The following STXBP2 variants were observed in gnomAD, a reference collection of about 807,000 sequenced individuals.
STXBP2 encodes the protein syntaxin-binding protein 2.
In STXBP2, 47 loss-of-function variants were observed where a neutral mutation model predicts 72.2. The observed-to-expected ratio is 0.65, with a 90% confidence interval of 0.51 to 0.83. The LOEUF (loss-of-function observed/expected upper bound fraction) is 0.83. Among genes scored for constraint, STXBP2 ranks in the 40% least tolerant of loss-of-function variants. The pLI is 0.00. For synonymous variants in STXBP2, 367 were observed against 338.7 expected (o/e 1.08, Z -0.92); for missense variants, 702 against 807.6 (o/e 0.87, Z 1.58).
chr19:7,638,593 T>G (rs1353299983), intron 1 of STXBP2, 133 bp from the exon 2 acceptor site: 2 of 915,212 alleles, frequency 2.2e-6, no homozygotes, highest in East Asian at 2.5e-5. Context: ...CAGAGTGAGA[T>G]CCTCCTCTCT....
At chr19:7,644,586 C>T (rs375987062) in intron 13 of STXBP2, 28 bp from the exon 14 acceptor site, 822 of 1,609,128 alleles carry the variant, frequency 5.1e-4, no homozygotes, top group Middle Eastern at 1.5e-3. Context: ...ACATAGCGGC[C>T]GGTGGACGGC....
Position 7,642,086 on chromosome 19 carries a change from G to T in STXBP2, c.631G>T (p.Ala211Ser). The T allele has an allele frequency of 6.2e-7, 1 of 1,614,088 alleles. No homozygotes were observed. The highest frequency in any genetic ancestry group is 8.5e-7 in the Non-Finnish European group (1 of 1,180,010). ...LAHAVLAKLN[A>S]FKADTPSLGE... is the part of the protein sequence containing the mutation. Reference sequence around the variant, plus strand: ...CCACGCCGTCCTGGCCAAGCTGAACGCCTTCAAGGCAGACACTCCCAGTCT... The same window carrying T: ...CCACGCCGTCCTGGCCAAGCTGAACTCCTTCAAGGCAGACACTCCCAGTCT... The change falls in exon 8 of 19, where the codon GCC becomes TCC. Residue 211 changes from alanine (A) to serine (S), a missense_variant. Coordinates refer to ENST00000221283, the MANE Select transcript of STXBP2 (RefSeq NM_006949.4). The surrounding 1 kb of genome is among the most constrained non-coding windows in gnomAD (Gnocchi z 6.0).
intron 14 of STXBP2, 183 bp from the exon 15 acceptor site, chr19:7,645,014 A>G: frequency 6.9e-7 from 1 of 1,449,374 alleles, no homozygotes; most frequent in Middle Eastern, 2.5e-4. Context: ...CATCTGGAGG[A>G]GCCCCTGATC....
chr19:7,637,252 T>C (rs2031580893), intron 1 of STXBP2, 66 bp downstream of exon 1: 1 of 1,224,410 alleles, frequency 8.2e-7, no homozygotes, highest in Non-Finnish European at 1.0e-6. Context: ...ACGCACGGGC[T>C]CTGGGATCCT....
chr19:7,645,489 C>G (rs750972214), intron 15 of STXBP2, 183 bp downstream of exon 15: 1 of 602,420 alleles, frequency 1.7e-6, no homozygotes, highest in African/African-American at 1.8e-5. Context: ...GGGCCTCTCC[C>G]AGTCCCAGCT....
intron 15 of STXBP2, 153 bp downstream of exon 15, chr19:7,645,459 C>A: frequency 1.4e-6 from 1 of 697,636 alleles, no homozygotes; most frequent in Non-Finnish European, 2.4e-6. Context: ...CGGGTCTGGT[C>A]TGGGGCCCAG....
Position 7,643,063 on chromosome 19 carries a change from G to T in STXBP2, c.1026+15G>T, listed in dbSNP as rs1555770857. The stretch of plus-strand genomic sequence containing the variant: ...AGCTGAATAAGGTGTGCTCGGGTGG[G>T]CAGGGAGCGGGGACACCTCGGCCCC... On this transcript the variant is annotated intron_variant, in intron 12 of 18. Coordinates refer to ENST00000221283, the MANE Select transcript of STXBP2 (RefSeq NM_006949.4). 2 of 1,614,196 alleles carry T rather than the reference G, an allele frequency of 1.2e-6. No individual in the cohort carries two copies. Among genetic ancestry groups the T allele is most frequent in the South Asian group, 2.2e-5 (2 of 91,084 alleles).
In STXBP2 at chr19:7,643,247, T is replaced by G. The variant is rs768288230; in HGVS notation, c.1107+2T>G. On this transcript the variant is annotated splice_donor_variant, in intron 13 of 18. Coordinates refer to ENST00000221283, the MANE Select transcript of STXBP2 (RefSeq NM_006949.4). LOFTEE classifies it high-confidence loss of function. ...GAGAAGCTGTGTAGTGTGGAGCAGG[T>G]GGGGCAGGGCTTGCGGGGGGCAGGG... 4 of 1,605,054 alleles carry G rather than the reference T, an allele frequency of 2.5e-6. No individual in the cohort carries two copies. In the African/African-American group the frequency reaches 5.5e-5, roughly 22 times the overall value.
Position 7,642,876 on chromosome 19 carries a change from C to T in STXBP2, c.960+53C>T, listed in dbSNP as rs1297693280. Reference sequence around the variant, plus strand: ...CGCTGGTGGAAGGAAGCCCCCCTCCCCATGGGCGCAGGGCCACAGCCTGGA... The same window carrying T: ...CGCTGGTGGAAGGAAGCCCCCCTCCTCATGGGCGCAGGGCCACAGCCTGGA... On this transcript the variant is annotated intron_variant, in intron 11 of 18. Transcript: ENST00000221283. The surrounding 1 kb of genome is among the most constrained non-coding windows in gnomAD (Gnocchi z 6.0). The T allele has an allele frequency of 7.4e-6, 12 of 1,613,230 alleles. No individual in the cohort carries two copies. Among genetic ancestry groups the T allele is most frequent in the Non-Finnish European group, 1.0e-5 (12 of 1,179,294 alleles).
chr19:7,645,324 A>C lies in STXBP2; in HGVS notation c.1356+18A>C. Reference sequence around the variant, plus strand: ...ACCCCGGGGTACGCCAGGAGCGGGCATGGGGGGACCCTGGGAGAGGGTGCG... The same window carrying C: ...ACCCCGGGGTACGCCAGGAGCGGGCCTGGGGGGACCCTGGGAGAGGGTGCG... On this transcript the variant is annotated intron_variant, in intron 15 of 18. Coordinates refer to ENST00000221283, the MANE Select transcript of STXBP2 (RefSeq NM_006949.4). The C allele has an allele frequency of 6.4e-7, 1 of 1,563,752 alleles. No individual in the cohort carries two copies. Among genetic ancestry groups the C allele is most frequent in the African/African-American group, 1.4e-5 (1 of 73,718 alleles).
the STXBP2 span, chr19:7,631,735 C>T: frequency 6.9e-7 from 1 of 1,445,136 alleles, no homozygotes. Flanking sequence ...CCGACGGAAG[C>T]CGAGAGCGGT....
At chr19:7,645,333 C>A in intron 15 of STXBP2, 27 bp downstream of exon 15, 1 of 1,553,908 alleles carries the variant, frequency 6.4e-7, no homozygotes, top group Non-Finnish European at 8.7e-7. Context: ...CATGGGGGGA[C>A]CCTGGGAGAG....
rs1163501273 is a variant in STXBP2, at chr19:7,646,748, G to A, written c.1452+404G>A. 7.8e-6 allele frequency: 3 copies of A among 386,556 alleles called. No individual in the cohort carries two copies. The East Asian group carries it at 1.7e-4, about 21-fold the overall frequency. 23.9% of individuals were successfully genotyped at this position (386,556 alleles called of 1,614,324 possible). On this transcript the variant is annotated intron_variant, in intron 16 of 18. Coordinates refer to ENST00000221283, the MANE Select transcript of STXBP2 (RefSeq NM_006949.4). ...GCCCCGGCCCCTCTTTCTGCGTGGG[G>A]GCCAGAGACCTGGGCCTCCTCATCC...
chr19:7,637,146 G>A lies in STXBP2; in HGVS notation c.-4G>A. ...GGAAGCGGCGGCGGCGCCCCTCGGG[G>A]AAGATGGCGCCCTCGGGGCTGAAGG... On this transcript the variant is annotated 5_prime_UTR_variant, in exon 1 of 19. Transcript: ENST00000221283. 4 of 1,241,424 alleles carry A rather than the reference G, an allele frequency of 3.2e-6. No homozygotes were observed. Among genetic ancestry groups the A allele is most frequent in the Non-Finnish European group, 4.0e-6 (4 of 988,166 alleles). The allele number at this position is 1,241,424 out of a possible 1,614,324, so 76.9% of individuals were successfully genotyped here. A position where few individuals can be genotyped will look rare whatever the true frequency, so the allele number is the denominator to read the frequency against.
At chr19:7,638,604 T>TAAAA in intron 1 of STXBP2, 122 bp from the exon 2 acceptor site, 3 of 936,354 alleles carry the variant, frequency 3.2e-6, no homozygotes, top group African/African-American at 1.8e-5. Context: ...CCTCCTCTCT[T>TAAAA]AAAAAAAAAA....
At chr19:7,645,096 T>C in intron 14 of STXBP2, 101 bp from the exon 15 acceptor site, 4 of 1,477,472 alleles carry the variant, frequency 2.7e-6, no homozygotes, top group Non-Finnish European at 3.7e-6. Flanking sequence ...TGCAAGGTTC[T>C]CTCATCAGAG....
upstream of STXBP2, among the ~76,000 whole-genome samples, chr19:7,635,652 T>TG (rs55706929): frequency 9.0e-3 from 1,374 of 152,124 alleles, 6 homozygotes; most frequent in Middle Eastern, 0.027. Context: ...GCTATGATCG[T>TG]GCCACTGCCC....
chr19:7,641,071 A>T (rs754386405), intron 6 of STXBP2, 68 bp downstream of exon 6: 23 of 1,523,368 alleles, frequency 1.5e-5, no homozygotes, highest in Non-Finnish European at 2.1e-5. Flanking sequence ...TTCCCTCAGA[A>T]ACAGACACTG....
At chr19:7,638,961 G>A (rs1029474430) in intron 2 of STXBP2, 58 bp from the exon 3 acceptor site, 1 of 1,606,716 alleles carries the variant, frequency 6.2e-7, no homozygotes, top group South Asian at 1.1e-5. Flanking sequence ...CCCCTTCTGG[G>A]GCCAGCTGTG....
Sources: gnomAD v4.1 joint callset for allele counts (sites outside exome capture counted in the v4.1 genomes callset) on GRCh38, gnomAD v4.1.1 for gene constraint, Gnocchi (gnomAD v3.1) non-coding constraint, MANE v1.5 for transcripts, NCBI Gene and HGNC (gene_info 2026-07-23, HGNC 2026-07-21) for gene names.